The following NGEF variants were observed in gnomAD, a reference collection of about 807,000 sequenced individuals.
NGEF encodes the protein neuronal guanine nucleotide exchange factor.
NGEF carries 31 observed loss-of-function variants against 80.9 expected under a neutral mutation model. The ratio of observed to expected loss-of-function variants is 0.38; its 90% CI spans 0.29 to 0.52. The LOEUF is 0.52. Ranked by LOEUF, NGEF falls within the 20% of genes least tolerant of loss-of-function variation. The probability of loss-of-function intolerance (pLI) is 0.84; values close to 1 mark genes in which losing one functional copy is unlikely to be tolerated. For synonymous variants in NGEF, 371 were observed against 370.2 expected, an observed-to-expected ratio of 1.00 and a Z score of -0.03; for missense variants, 709 against 926.2, an observed-to-expected ratio of 0.77 and a Z score of 3.04.
chr2:232,948,954 G>T (rs577136308), intron 3 of NGEF, among the ~76,000 whole-genome samples: 4 of 152,068 alleles, frequency 2.6e-5, no homozygotes, highest in African/African-American at 9.7e-5. Flanking sequence ...GGAGGCAGAG[G>T]TTGCAGTGAG....
intron 1 of NGEF, among the ~76,000 whole-genome samples, chr2:233,004,045 G>A (rs972583481): frequency 9.2e-5 from 14 of 152,256 alleles, no homozygotes; most frequent in East Asian, 3.9e-4. Context: ...TGCAAGACAG[G>A]CCAGCAAGCC....
intron 2 of NGEF, among the ~76,000 whole-genome samples, chr2:232,971,097 T>C (rs1694174751): frequency 6.6e-6 from 1 of 152,142 alleles, no homozygotes; most frequent in South Asian, 2.1e-4. Context: ...TTTTAGGCAA[T>C]GATCTGCTGT....
intron 5 of NGEF, among the ~76,000 whole-genome samples, chr2:232,898,700 C>T (rs1174331092): frequency 6.6e-6 from 1 of 152,238 alleles, no homozygotes; most frequent in African/African-American, 2.4e-5. Context: ...CAAATGCTCA[C>T]TGAGCATCTG....
intron 3 of NGEF, chr2:232,927,801 C>T: frequency 1.2e-6 from 1 of 803,004 alleles, no homozygotes; most frequent in Non-Finnish European, 1.7e-6. Flanking sequence ...TGGGGATAGG[C>T]CGCGCAGGGG....
chr2:232,942,648 G>A (rs1213290730), intron 3 of NGEF, among the ~76,000 whole-genome samples: 1 of 152,142 alleles, frequency 6.6e-6, no homozygotes, highest in African/African-American at 2.4e-5. Flanking sequence ...AGGCCGAGGT[G>A]GGTGGATCAC....
intron 6 of NGEF, 124 bp from the exon 7 acceptor site, chr2:232,893,174 A>G: frequency 1.1e-6 from 1 of 915,258 alleles, no homozygotes; most frequent in Non-Finnish European, 1.6e-6. Flanking sequence ...GTGAGCGTAC[A>G]GGCCGACAAG....
At chr2:232,967,043 A>G (rs943679722) in intron 3 of NGEF, among the ~76,000 whole-genome samples, 5 of 152,134 alleles carry the variant, frequency 3.3e-5, no homozygotes, top group African/African-American at 1.2e-4. Flanking sequence ...GTTAAATGTA[A>G]TCCCCAATGC....
intron 1 of NGEF, among the ~76,000 whole-genome samples, chr2:233,005,755 G>A (rs1004427912): frequency 1.3e-5 from 2 of 152,186 alleles, no homozygotes; most frequent in African/African-American, 4.8e-5. Flanking sequence ...ATTTAGCCCA[G>A]TGAGAGCCAT....
intron 5 of NGEF, among the ~76,000 whole-genome samples, chr2:232,900,894 CCT>C (rs1491277170): frequency 6.6e-6 from 1 of 152,256 alleles, no homozygotes; most frequent in Non-Finnish European, 1.5e-5. Context: ...GAGCAGGCCC[CCT>C]CTCAGGCAGC....
At chr2:232,987,707 G>A (rs1390293348) in intron 1 of NGEF, among the ~76,000 whole-genome samples, 2 of 152,162 alleles carry the variant, frequency 1.3e-5, no homozygotes, top group Non-Finnish European at 2.9e-5. Flanking sequence ...CTGGCTTTGA[G>A]CTGGGGGATT....
intron 1 of NGEF, among the ~76,000 whole-genome samples, chr2:232,993,980 A>G (rs1460157242): frequency 6.6e-6 from 1 of 152,136 alleles, no homozygotes; most frequent in African/African-American, 2.4e-5. Context: ...AGGTGAGAAA[A>G]TGTTCTAAAA....
At chr2:232,927,893 C>T in intron 3 of NGEF, 1 of 1,299,584 alleles carries the variant, frequency 7.7e-7, no homozygotes. Flanking sequence ...CCGTCCTCAC[C>T]TGCCGGGCAG....
intron 1 of NGEF, among the ~76,000 whole-genome samples, chr2:232,991,197 C>A (rs899526996): frequency 1.3e-5 from 2 of 152,020 alleles, no homozygotes; most frequent in African/African-American, 4.8e-5. Flanking sequence ...CCCACTCTCA[C>A]CACTACTGTT....
rs1435678412 is a variant in NGEF, at chr2:232,883,434, C to T, written c.1634G>A (p.Arg545Gln). ...CAGCTCCTCCACACGCAGCAGTCCC[C>T]GCGGAGCTGAGTCAAATACCTGGTA... ...DKYQVFDSAP[R>Q]GLLRVEELED... is the part of the protein sequence containing the mutation. The change falls in exon 12 of 15, where the codon CGG (arginine) becomes CAG (glutamine). Residue 545 changes from arginine (R) to glutamine (Q), a missense_variant. Physicochemically the swap from Arg to Gln is conservative, Grantham distance 43. Around this residue, in one of 2 missense-constraint regions of NGEF, gnomAD observed 426 missense variants for 622.9 expected, o/e 0.68. Transcript: ENST00000264051. The T allele has an allele frequency of 2.5e-6, 4 of 1,607,668 alleles. No homozygotes were observed. The highest frequency in any genetic ancestry group is 3.4e-6 in the Non-Finnish European group (4 of 1,177,266).
At chr2:233,008,173 A>G (rs1393760092) in intron 1 of NGEF, among the ~76,000 whole-genome samples, 1 of 152,202 alleles carries the variant, frequency 6.6e-6, no homozygotes, top group Non-Finnish European at 1.5e-5. Flanking sequence ...ATTTAATAGG[A>G]ATCTATTTTC....
intron 1 of NGEF, among the ~76,000 whole-genome samples, chr2:232,978,672 T>A (rs1396135612): frequency 1.3e-5 from 2 of 151,982 alleles, no homozygotes; most frequent in African/African-American, 4.8e-5. Context: ...CGGAGGTCAG[T>A]AACTGCCCCG....
At chr2:232,986,304 G>T (rs934495273) in intron 1 of NGEF, among the ~76,000 whole-genome samples, 4 of 152,202 alleles carry the variant, frequency 2.6e-5, no homozygotes, top group Admixed American at 1.3e-4. Context: ...CAGTATGGAG[G>T]TTCCTCAAGA....
intron 3 of NGEF, among the ~76,000 whole-genome samples, chr2:232,948,512 G>A (rs1428445383): frequency 6.6e-6 from 1 of 152,070 alleles, no homozygotes; most frequent in African/African-American, 2.4e-5. Flanking sequence ...CACAGTTTAG[G>A]GGAAATAAAG....
chr2:232,923,672 T>C (rs918931604), intron 4 of NGEF, among the ~76,000 whole-genome samples: 4 of 151,190 alleles, frequency 2.6e-5, no homozygotes, highest in African/African-American at 9.7e-5. Context: ...GGGGTGGAGG[T>C]TGCAATGAGC....
Sources: allele counts gnomAD v4.1 joint callset (sites outside exome capture counted in the v4.1 genomes callset), GRCh38; gene constraint gnomAD v4.1.1; regional missense constraint gnomAD v4.1.1; transcripts MANE v1.5; gene names NCBI Gene and HGNC (gene_info 2026-07-23, HGNC 2026-07-21).